GLYR1: variants seen among roughly 807,000 people sequenced by gnomAD.
GLYR1 encodes the protein glyoxylate reductase 1 homolog.
In GLYR1, 21 loss-of-function variants were observed where a neutral mutation model predicts 72.7. That is an observed-to-expected ratio of 0.29 (90% CI 0.20 to 0.42). The LOEUF is 0.42. Among genes scored for constraint, GLYR1 ranks in the 10% least tolerant of loss-of-function variants. The pLI is 1.00. For missense variants in GLYR1, 594 were observed against 712.1 expected (o/e 0.83, Z 1.89); for synonymous variants, 392 against 270.2 (o/e 1.45, Z -4.42).
In GLYR1 at chr16:4,812,070, G is replaced by A. The variant is rs766826852; in HGVS notation, c.1282+16C>T. On this transcript the variant is annotated intron_variant, in intron 13 of 15. Transcript: ENST00000321919. ...GTGGCCCCAGGCTCCAGGCCTGACAGGTGCAGGCGTGTTACCTAGGAAGAA... is the reference window on the plus strand; with the variant it reads ...GTGGCCCCAGGCTCCAGGCCTGACAAGTGCAGGCGTGTTACCTAGGAAGAA... 7.5e-6 allele frequency: 12 copies of A among 1,608,640 alleles called. No homozygotes were observed. The highest frequency in any genetic ancestry group is 9.3e-6 in the Non-Finnish European group (11 of 1,177,652).
intron 12 of GLYR1, among the ~76,000 whole-genome samples, chr16:4,812,483 C>T (rs575767037): frequency 1.3e-5 from 2 of 152,046 alleles, no homozygotes; most frequent in Non-Finnish European, 2.9e-5. Context: ...CACAGGAACC[C>T]AACTGACTTG....
chr16:4,820,285 A>G (rs1280645918), intron 9 of GLYR1, among the ~76,000 whole-genome samples: 1 of 152,174 alleles, frequency 6.6e-6, no homozygotes. Context: ...CACCATGCCC[A>G]GGTCAAGGTT....
chr16:4,821,470 C>G lies in GLYR1; in HGVS notation c.733-17G>C. On this transcript the variant is annotated splice_polypyrimidine_tract_variant and intron_variant, in intron 8 of 15. Transcript: ENST00000321919. ...GCCAGTTTCCTACGGACAGGAAGCA[C>G]ACATCATCAAGTCAGTCTGCCTGCA... 1.2e-6 allele frequency: 2 copies of G among 1,614,130 alleles called. No homozygotes were observed. The highest frequency in any genetic ancestry group is 1.7e-6 in the Non-Finnish European group (2 of 1,180,042).
At chr16:4,822,457 C>T (rs891261869) in intron 7 of GLYR1, among the ~76,000 whole-genome samples, 3 of 151,940 alleles carry the variant, frequency 2.0e-5, no homozygotes, top group Non-Finnish European at 4.4e-5. Context: ...GCGACGCAAT[C>T]TTGGCTCACT....
At chr16:4,816,310 CTAATA>C (rs2083639494) in intron 10 of GLYR1, among the ~76,000 whole-genome samples, 1 of 151,936 alleles carries the variant, frequency 6.6e-6, no homozygotes, top group South Asian at 2.1e-4. Flanking sequence ...CCTCACTCAG[CTAATA>C]TTTTATTTTT....
At chr16:4,824,029 C>T (rs1387165971) in intron 5 of GLYR1, 122 bp from the exon 6 acceptor site, 1 of 677,942 alleles carries the variant, frequency 1.5e-6, no homozygotes, top group Non-Finnish European at 2.5e-6. Context: ...ATGACCGTCC[C>T]TCGGGAGAAA....
At chr16:4,823,742 C>CAAA (rs34966439) in intron 6 of GLYR1, 79 bp downstream of exon 6, 278 of 776,462 alleles carry the variant, frequency 3.6e-4, no homozygotes, top group Admixed American at 7.0e-4. Context: ...AAGAAAGGGA[C>CAAA]AAAAAAAAAA....
chr16:4,811,984 G>C, intron 13 of GLYR1, 102 bp downstream of exon 13: 2 of 1,487,268 alleles, frequency 1.3e-6, no homozygotes, highest in Non-Finnish European at 1.8e-6. Flanking sequence ...ACCTTCCCCA[G>C]GGTCCCCGGC....
At chr16:4,825,480 G>A (rs1341993639) in intron 5 of GLYR1, among the ~76,000 whole-genome samples, 2 of 152,196 alleles carry the variant, frequency 1.3e-5, no homozygotes, top group African/African-American at 4.8e-5. Context: ...TATCAGAGTG[G>A]CTTCACCTGA....
chr16:4,810,101 A>G (rs1382196809), intron 15 of GLYR1, among the ~76,000 whole-genome samples: 1 of 152,200 alleles, frequency 6.6e-6, no homozygotes, highest in African/African-American at 2.4e-5. Context: ...TCAGAAAACA[A>G]ATTAACACGG....
intron 13 of GLYR1, 93 bp from the exon 14 acceptor site, chr16:4,811,895 C>G: frequency 6.8e-7 from 1 of 1,460,996 alleles, no homozygotes; most frequent in Non-Finnish European, 9.2e-7. Context: ...CCACCTCTCT[C>G]CAGGGGAGGC....
chr16:4,835,011 A>G (rs980489916), intron 3 of GLYR1, among the ~76,000 whole-genome samples: 1 of 152,164 alleles, frequency 6.6e-6, no homozygotes, highest in Admixed American at 6.5e-5. Flanking sequence ...GAGATGACAC[A>G]ACCAGTATCA....
chr16:4,820,720 G>C (rs1476688254), intron 9 of GLYR1, among the ~76,000 whole-genome samples: 2 of 152,220 alleles, frequency 1.3e-5, no homozygotes, highest in Non-Finnish European at 2.9e-5. Flanking sequence ...ACTTGCTCCA[G>C]AGAACGTGTT....
At chr16:4,823,335 G>A (rs762358014) in intron 6 of GLYR1, among the ~76,000 whole-genome samples, 2 of 152,196 alleles carry the variant, frequency 1.3e-5, no homozygotes, top group African/African-American at 4.8e-5. Context: ...AGCCCTTGGC[G>A]ATCTCATCTT....
rs371988602 is a variant in GLYR1 at position 4,830,683 on chromosome 16, C to A, written c.537+1296G>T. On this transcript the variant is annotated intron_variant, in intron 5 of 15. Transcript: ENST00000321919. ...TTCTCTTTATCCTGCTGTTGACAAT[C>A]CTACCGCGTTCCTGACACAGTCCCC... is the stretch of plus-strand genomic sequence containing the variant. Among the ~76,000 whole-genome samples, 10 of 152,324 alleles carry A rather than the reference C, an allele frequency of 6.6e-5. No individual in the cohort carries two copies. In the East Asian group the frequency reaches 1.5e-3, roughly 24 times the overall value.
chr16:4,811,563 A>C, intron 14 of GLYR1, 60 bp downstream of exon 14: 1 of 1,592,072 alleles, frequency 6.3e-7, no homozygotes, highest in Non-Finnish European at 8.6e-7. Flanking sequence ...TAAATCCCTG[A>C]CCTAGTACCC....
intron 5 of GLYR1, among the ~76,000 whole-genome samples, chr16:4,829,561 A>C (rs1173935106): frequency 1.3e-5 from 2 of 151,914 alleles, no homozygotes; most frequent in Non-Finnish European, 2.9e-5. Context: ...ATCTTGGCTC[A>C]CTGTAACCTC....
chr16:4,834,219 CTAAG>C (rs757092504), intron 3 of GLYR1, among the ~76,000 whole-genome samples: 1 of 151,574 alleles, frequency 6.6e-6, no homozygotes, highest in Non-Finnish European at 1.5e-5. Flanking sequence ...GCCACCATGG[CTAAG>C]TGAGATGATG....
At position 4,847,089 on chromosome 16, in the gene GLYR1, G is replaced by C. The variant is rs555634260; in HGVS notation, c.38+139C>G. 2.5e-4 allele frequency: 199 copies of C among 796,174 alleles called. 1 individual carries two copies. The South Asian group carries it at 3.0e-3, about 12-fold the overall frequency. The allele number at this position is 796,174 out of a possible 1,614,324, so 49.3% of individuals were successfully genotyped here. ...CTGCCCCTTCCGCCTGGCGCCGCTC[G>C]CAAGCGCCGGCACCTTCTCTTCCCC... On this transcript the variant is annotated intron_variant, in intron 1 of 15. Transcript: ENST00000321919.
Sources: allele counts gnomAD v4.1 joint callset (sites outside exome capture counted in the v4.1 genomes callset), GRCh38; gene constraint gnomAD v4.1.1; transcripts MANE v1.5; gene names NCBI Gene and HGNC (gene_info 2026-07-23, HGNC 2026-07-21).